The following TMEM132B variants were observed in gnomAD, a reference collection of about 807,000 sequenced individuals.
TMEM132B encodes the protein transmembrane protein 132B.
A neutral mutation model predicts 90.8 loss-of-function variants in TMEM132B; 18 were observed. That is an observed-to-expected ratio of 0.20 (90% CI 0.14 to 0.29). TMEM132B has a LOEUF of 0.29. Among genes scored for constraint, TMEM132B ranks in the 10% least tolerant of loss-of-function variants. The pLI is 1.00. For missense variants in TMEM132B, 1,096 were observed against 1,326.8 expected (o/e 0.83, Z 2.70); for synonymous variants, 504 against 523.3 (o/e 0.96, Z 0.50).
chr12:125,555,332 C>G (rs558998675), intron 4 of TMEM132B, among the ~76,000 whole-genome samples: 1 of 151,282 alleles, frequency 6.6e-6, no homozygotes, highest in African/African-American at 2.4e-5. Context: ...AATATAAAAA[C>G]AAGTGATGTA....
intron 4 of TMEM132B, among the ~76,000 whole-genome samples, chr12:125,529,011 C>CT (rs1294108434): frequency 7.0e-6 from 1 of 143,444 alleles, no homozygotes; most frequent in Non-Finnish European, 1.5e-5. Context: ...CCTTCTTCTC[C>CT]TTTCTTCCCC....
At chr12:125,411,143 T>TG (rs1555247068) in intron 2 of TMEM132B, among the ~76,000 whole-genome samples, 8 of 8,878 alleles carry the variant, frequency 9.0e-4, no homozygotes, top group African/African-American at 4.0e-3. Context: ...TGGAGTGGAG[T>TG]GAGTGGAGTG....
chr12:125,455,267 A>G (rs138473115), intron 3 of TMEM132B, among the ~76,000 whole-genome samples: 153 of 152,228 alleles, frequency 1.0e-3, no homozygotes, highest in Middle Eastern at 6.8e-3. Context: ...GGAAACCGTA[A>G]AGTACTAGTG....
chr12:125,548,571 G>T (rs1282831547), intron 4 of TMEM132B, among the ~76,000 whole-genome samples: 1 of 152,170 alleles, frequency 6.6e-6, no homozygotes, highest in Non-Finnish European at 1.5e-5. Flanking sequence ...GACAGGAAAG[G>T]CTCACAGTAT....
chr12:125,641,277 T>C (rs1039269125), intron 5 of TMEM132B, among the ~76,000 whole-genome samples: 1 of 152,212 alleles, frequency 6.6e-6, no homozygotes, highest in African/African-American at 2.4e-5. Context: ...AAAAGGAAGG[T>C]ACTGCAAGTA....
At chr12:125,369,938 A>G (rs1878245621) in intron 2 of TMEM132B, among the ~76,000 whole-genome samples, 1 of 152,148 alleles carries the variant, frequency 6.6e-6, no homozygotes, top group Non-Finnish European at 1.5e-5. Context: ...AATCCCAGCT[A>G]CTCGGGAGTC....
At chr12:125,637,217 A>G (rs1051405320) in intron 5 of TMEM132B, among the ~76,000 whole-genome samples, 2 of 152,142 alleles carry the variant, frequency 1.3e-5, no homozygotes, top group African/African-American at 4.8e-5. Flanking sequence ...TTTGTCTCCG[A>G]TTTTTATCAG....
chr12:125,217,379 T>C (rs1873461530), intron 1 of TMEM132B, among the ~76,000 whole-genome samples: 1 of 152,180 alleles, frequency 6.6e-6, no homozygotes, highest in Non-Finnish European at 1.5e-5. Context: ...CATTCTGAGT[T>C]TCAGGGCCTG....
intron 1 of TMEM132B, among the ~76,000 whole-genome samples, chr12:125,336,763 AC>A (rs1321831563): frequency 6.6e-6 from 1 of 152,206 alleles, no homozygotes; most frequent in Admixed American, 6.5e-5. Context: ...GGATGAAGTG[AC>A]TTGCCTTGGT....
intron 4 of TMEM132B, among the ~76,000 whole-genome samples, chr12:125,533,915 A>G (rs1164893967): frequency 2.6e-5 from 4 of 152,206 alleles, no homozygotes; most frequent in African/African-American, 9.6e-5. Context: ...ACATTTTTAA[A>G]CAATATATGG....
chr12:125,474,274 C>A (rs1395929093), intron 3 of TMEM132B, among the ~76,000 whole-genome samples: 1 of 127,308 alleles, frequency 7.9e-6, no homozygotes, highest in Non-Finnish European at 1.6e-5. Flanking sequence ...TCCCCTCCCT[C>A]CCCTCCCCTC....
At chr12:125,250,756 A>G (rs747965823) in intron 1 of TMEM132B, among the ~76,000 whole-genome samples, 3 of 152,166 alleles carry the variant, frequency 2.0e-5, no homozygotes, top group Non-Finnish European at 4.4e-5. Flanking sequence ...AGAAAGAATC[A>G]CAGAGCTCAG....
rs1883248104 is a variant in TMEM132B at position 125,519,444 on chromosome 12, A to G, written c.1112A>G (p.Asn371Ser). The G allele has an allele frequency of 1.2e-6, 2 of 1,605,762 alleles. No homozygotes were observed. The highest frequency in any genetic ancestry group is 2.2e-5 in the East Asian group (1 of 44,680). Reference sequence around the variant, plus strand: ...AATATGTGTTTGTTTTCCAGGGTAAATGGATCCTTCTATGAGATCTTGCAA... The same window carrying G: ...AATATGTGTTTGTTTTCCAGGGTAAGTGGATCCTTCTATGAGATCTTGCAA... ...GHRPDTQSRV[N>S]GSFYEILQVD... is the part of the protein sequence containing the mutation. Residue 371 changes from asparagine (N) to serine (S), a missense_variant, in exon 4 of 9, where the codon AAT (asparagine) becomes AGT (serine). Transcript: ENST00000682704.
chr12:125,580,176 A>G (rs1472644146), intron 4 of TMEM132B, among the ~76,000 whole-genome samples: 1 of 152,212 alleles, frequency 6.6e-6, no homozygotes, highest in Admixed American at 6.5e-5. Context: ...AGCTCTAGGC[A>G]TGCACACAGC....
intron 1 of TMEM132B, among the ~76,000 whole-genome samples, chr12:125,222,227 T>C (rs1873575132): frequency 6.6e-6 from 1 of 152,210 alleles, no homozygotes; most frequent in Non-Finnish European, 1.5e-5. Flanking sequence ...TGCTATATAG[T>C]TTAAGCTATG....
chr12:125,289,459 G>A (rs1331933471), intron 1 of TMEM132B, among the ~76,000 whole-genome samples: 1 of 152,166 alleles, frequency 6.6e-6, no homozygotes, highest in Non-Finnish European at 1.5e-5. Flanking sequence ...TTTGCTCCAG[G>A]TTGCATCACT....
At chr12:125,350,565 T>G (rs1159700949) in intron 2 of TMEM132B, among the ~76,000 whole-genome samples, 1 of 152,070 alleles carries the variant, frequency 6.6e-6, no homozygotes, top group Non-Finnish European at 1.5e-5. Context: ...AAAGGGAGAA[T>G]GAGGGATGGG....
intron 1 of TMEM132B, among the ~76,000 whole-genome samples, chr12:125,230,390 G>A (rs911329874): frequency 3.3e-5 from 5 of 152,088 alleles, no homozygotes; most frequent in Non-Finnish European, 5.9e-5. Flanking sequence ...CTGGAGACCC[G>A]TTAGAAATGC....
At position 125,563,330 on chromosome 12, in the gene TMEM132B, C is replaced by T. The variant is rs1201409963; in HGVS notation, c.1294-20521C>T. Among the ~76,000 whole-genome samples the T allele has an allele frequency of 1.4e-4, 22 of 152,088 alleles. No homozygotes were observed. The South Asian group carries it at 1.9e-3, about 13-fold the overall frequency. On this transcript the variant is annotated intron_variant, in intron 4 of 8. Coordinates refer to ENST00000682704, the MANE Select transcript of TMEM132B (RefSeq NM_001366854.1). ...ATTTGTAAAGAACGCAGTATCTGGC[C>T]GGGCGCGGTGGCTCACGCCTGTAAT...
Sources: gnomAD v4.1 joint callset for allele counts (sites outside exome capture counted in the v4.1 genomes callset) on GRCh38, gnomAD v4.1.1 for gene constraint, MANE v1.5 for transcripts, NCBI Gene and HGNC (gene_info 2026-07-23, HGNC 2026-07-21) for gene names.